LMF1: variants seen among roughly 807,000 people sequenced by gnomAD.
The protein encoded by LMF1 is lipase maturation factor 1.
A neutral mutation model predicts 60.6 loss-of-function variants in LMF1; 68 were observed. The observed-to-expected ratio is 1.12, with a 90% CI of 0.92 to 1.37. The LOEUF (loss-of-function observed/expected upper bound fraction) is 1.37, where lower values mean the gene tolerates loss of function less well. LMF1 is among the 40% of genes most tolerant of loss of function. The pLI, the probability that LMF1 is intolerant of heterozygous loss-of-function variation, is 0.00. For missense variants in LMF1, 948 were observed against 767.2 expected (o/e 1.24, Z -2.78); for synonymous variants, 418 against 324.7 (o/e 1.29, Z -3.09).
intron 4 of LMF1, among the ~76,000 whole-genome samples, chr16:904,607 C>T (rs28701997): frequency 8.0e-5 from 4 of 49,900 alleles, no homozygotes; most frequent in Admixed American, 3.9e-4. Context: ...GTCTCTGCTG[C>T]GTGGTGGTGA....
chr16:979,305 A>C (rs1272389920), intron 1 of LMF1: 3 of 357,498 alleles, frequency 8.4e-6, no homozygotes, highest in Non-Finnish European at 1.7e-5. Flanking sequence ...ACCACTCTGC[A>C]TGGGGATCCT....
chr16:937,214 AC>A (rs2071971886), intron 2 of LMF1, among the ~76,000 whole-genome samples: 1 of 152,256 alleles, frequency 6.6e-6, no homozygotes, highest in African/African-American at 2.4e-5. Context: ...AGGTAATGAC[AC>A]GAAAAACTAA....
chr16:969,717 G>A (rs1270757977), intron 1 of LMF1, among the ~76,000 whole-genome samples: 1 of 152,208 alleles, frequency 6.6e-6, no homozygotes, highest in African/African-American at 2.4e-5. Context: ...CTGCCCACGC[G>A]CCCCGCTGGC....
In LMF1 at chr16:954,023, C is replaced by A. The variant is rs753007239; in HGVS notation, c.503+334G>T. On this transcript the variant is annotated intron_variant, in intron 2 of 10. Coordinates refer to ENST00000262301, the MANE Select transcript of LMF1 (RefSeq NM_022773.4). ...GCCTCCTACACGTCCACACAGACAC[C>A]CACCCCAAACCAGCCTCCTACACGT... is the stretch of plus-strand genomic sequence containing the variant. 2.5e-3 allele frequency among the ~76,000 whole-genome samples: 218 copies of A among 88,344 alleles called. 43 individuals carry two copies. The highest frequency in any genetic ancestry group is 5.6e-3 in the African/African-American group (110 of 19,514). The allele number at this position is 88,344 out of a possible 152,430, so 58.0% of individuals were successfully genotyped here. A position where few individuals can be genotyped will look rare whatever the true frequency, so the allele number is the denominator to read the frequency against.
chr16:858,932 C>T (rs377093570), intron 10 of LMF1, among the ~76,000 whole-genome samples: 7 of 68,262 alleles, frequency 1.0e-4, no homozygotes, highest in East Asian at 3.8e-4. Context: ...TGTCACGGGA[C>T]GGGTGTGCAG....
rs1282422892 is a variant in LMF1 at position 950,090 on chromosome 16, G to T, written c.503+4267C>A. On this transcript the variant is annotated intron_variant, in intron 2 of 10. Coordinates refer to ENST00000262301, the MANE Select transcript of LMF1 (RefSeq NM_022773.4). ...AACGACAGAGTCAGAGACAACGACA[G>T]AGTCAGAGCCAACGACAGAGTCAGA... Among the ~76,000 whole-genome samples, 73 of 104,184 alleles carry T rather than the reference G, an allele frequency of 7.0e-4. 25 individuals are homozygous for T. The highest frequency in any genetic ancestry group is 4.0e-3 in the African/African-American group (71 of 17,968). 68.3% of individuals were successfully genotyped at this position (104,184 alleles called of 152,430 possible). A position where few individuals can be genotyped will look rare whatever the true frequency, so the allele number is the denominator to read the frequency against.
At chr16:882,520 G>C (rs1370720242) in intron 5 of LMF1, among the ~76,000 whole-genome samples, 3 of 152,250 alleles carry the variant, frequency 2.0e-5, no homozygotes, top group Non-Finnish European at 4.4e-5. Context: ...AAGCCTTCCT[G>C]GACCTCCCGG....
At chr16:933,888 C>G (rs955963134) in intron 3 of LMF1, 1 of 1,165,012 alleles carries the variant, frequency 8.6e-7, no homozygotes, top group African/African-American at 1.6e-5. Flanking sequence ...CCGTGAGCAC[C>G]GTGAACCTTC....
chr16:869,453 A>G lies in LMF1; in HGVS notation c.1417-397T>C, dbSNP rs571750563. The stretch of plus-strand genomic sequence containing the variant: ...GATTCCTTCTTTCCTGTTCGCTGAG[A>G]CAGGGTCTGGCTCCGTCCCCCAGAC... On this transcript the variant is annotated intron_variant, in intron 9 of 10. Transcript: ENST00000262301. 7.1e-4 allele frequency: 389 copies of G among 544,548 alleles called. 4 individuals are homozygous for G. The highest frequency in any genetic ancestry group is 6.7e-3 in the African/African-American group (358 of 53,534). The allele number at this position is 544,548 out of a possible 1,614,324, so 33.7% of individuals were successfully genotyped here. A position where few individuals can be genotyped will look rare whatever the true frequency, so the allele number is the denominator to read the frequency against.
intron 10 of LMF1, among the ~76,000 whole-genome samples, chr16:865,070 T>C (rs1567144896): frequency 6.6e-6 from 1 of 152,238 alleles, no homozygotes; most frequent in Non-Finnish European, 1.5e-5. Context: ...AGAATTCCAT[T>C]TTGATTTGTC....
intron 5 of LMF1, among the ~76,000 whole-genome samples, chr16:888,030 G>C (rs1357694357): frequency 6.6e-6 from 1 of 152,208 alleles, no homozygotes; most frequent in East Asian, 1.9e-4. Flanking sequence ...GTCGACTCTG[G>C]GGGGCTCCGT....
chr16:923,781 A>C (rs943008489), intron 3 of LMF1, among the ~76,000 whole-genome samples: 9 of 152,194 alleles, frequency 5.9e-5, no homozygotes, highest in African/African-American at 2.2e-4. Context: ...CCAAATCCAG[A>C]GGCCTACAAA....
chr16:918,836 A>ACCCCGCCTCTCACGCGGGGCCGGCG (rs1567237661), intron 3 of LMF1, among the ~76,000 whole-genome samples: 1 of 136,134 alleles, frequency 7.3e-6, no homozygotes, highest in Non-Finnish European at 1.7e-5. Context: ...CGGGGCCGGC[A>ACCCCGCCTCTCACGCGGGGCCGGCG]TCCCGGGGCG....
intron 3 of LMF1, chr16:931,494 T>C (rs1383185510): frequency 4.2e-6 from 2 of 476,422 alleles, no homozygotes; most frequent in Non-Finnish European, 6.9e-6. Flanking sequence ...TCGGATGAGC[T>C]GAGGAACGCA....
intron 1 of LMF1, among the ~76,000 whole-genome samples, chr16:958,239 A>G (rs1351981976): frequency 6.6e-6 from 1 of 152,242 alleles, no homozygotes; most frequent in East Asian, 1.9e-4. Context: ...AGAAACTGTA[A>G]ATTGAACTTT....
intron 10 of LMF1, among the ~76,000 whole-genome samples, chr16:865,940 C>T (rs1325985561): frequency 6.6e-6 from 1 of 152,130 alleles, no homozygotes; most frequent in Non-Finnish European, 1.5e-5. Context: ...TGTTTTGTGT[C>T]AGTTATATTT....
At chr16:948,827 C>T (rs652394) in intron 2 of LMF1, among the ~76,000 whole-genome samples, 9 of 121,498 alleles carry the variant, frequency 7.4e-5, no homozygotes, top group Admixed American at 8.5e-5. Context: ...AGTCAGCCAA[C>T]GACAGAGTCA....
intron 6 of LMF1, chr16:873,287 C>CG (rs1362121852): frequency 1.3e-5 from 2 of 152,486 alleles, no homozygotes; most frequent in East Asian, 3.9e-4. Flanking sequence ...TCAGTCTTCT[C>CG]ACTGCCCATC....
chr16:958,747 C>A (rs1005352098), intron 1 of LMF1, among the ~76,000 whole-genome samples: 1 of 152,068 alleles, frequency 6.6e-6, no homozygotes, highest in African/African-American at 2.4e-5. Context: ...ATTAGCTGGG[C>A]ATAGTGGTGC....
Sources: gnomAD v4.1 joint callset for allele counts (sites outside exome capture counted in the v4.1 genomes callset) on GRCh38, gnomAD v4.1.1 for gene constraint, MANE v1.5 for transcripts, NCBI Gene and HGNC (gene_info 2026-07-23, HGNC 2026-07-21) for gene names.